The following PTPRG variants were observed in gnomAD, a reference collection of about 807,000 sequenced individuals.
PTPRG encodes receptor-type tyrosine-protein phosphatase gamma.
PTPRG carries 102 observed loss-of-function variants against 165.3 expected under a neutral mutation model. That is an observed-to-expected ratio of 0.62 (90% CI 0.53 to 0.73). The LOEUF (loss-of-function observed/expected upper bound fraction) is 0.73. PTPRG is among the 30% of genes least tolerant of loss of function. The pLI is 0.00. For missense variants in PTPRG, 1,866 were observed against 1,861.4 expected, an observed-to-expected ratio of 1.00 and a Z score of -0.05; for synonymous variants, 675 against 669.5, an observed-to-expected ratio of 1.01 and a Z score of -0.13.
chr3:61,592,478 C>G (rs1700595261), intron 1 of PTPRG, among the ~76,000 whole-genome samples: 1 of 152,072 alleles, frequency 6.6e-6, no homozygotes, highest in African/African-American at 2.4e-5. Flanking sequence ...CTGAATTTTC[C>G]CTTTCTCTGA....
At chr3:62,250,888 C>T (rs143109766) in intron 15 of PTPRG, among the ~76,000 whole-genome samples, 22 of 152,158 alleles carry the variant, frequency 1.4e-4, no homozygotes, top group South Asian at 6.2e-4. Flanking sequence ...ATAAAAGGCC[C>T]GTTATGTACA....
At chr3:61,811,324 C>G (rs758752451) in intron 2 of PTPRG, among the ~76,000 whole-genome samples, 51 of 152,234 alleles carry the variant, frequency 3.4e-4, no homozygotes, top group Non-Finnish European at 5.3e-4. Context: ...GCTTAACTCT[C>G]AGTCACCCAG....
At chr3:61,892,188 C>G (rs564069637) in intron 2 of PTPRG, among the ~76,000 whole-genome samples, 1 of 152,248 alleles carries the variant, frequency 6.6e-6, no homozygotes, top group South Asian at 2.1e-4. Context: ...TCAACTAGTT[C>G]AAGTAGTAGA....
chr3:61,690,871 C>G (rs879854544), intron 1 of PTPRG, among the ~76,000 whole-genome samples: 6 of 151,934 alleles, frequency 3.9e-5, no homozygotes, highest in Non-Finnish European at 7.4e-5. Flanking sequence ...AATTTTAGAT[C>G]TCAGAGCTGT....
intron 2 of PTPRG, among the ~76,000 whole-genome samples, chr3:61,809,405 C>G (rs1023629019): frequency 6.6e-6 from 1 of 151,862 alleles, no homozygotes. Flanking sequence ...GAGCTGAGCC[C>G]AGAAGAATAA....
intron 1 of PTPRG, among the ~76,000 whole-genome samples, chr3:61,694,811 G>C (rs113979529): frequency 2.0e-5 from 3 of 152,188 alleles, no homozygotes; most frequent in Non-Finnish European, 4.4e-5. Flanking sequence ...GAATTTGTAC[G>C]GTGTTCTGTT....
chr3:62,275,815 A>G, intron 23 of PTPRG, 58 bp from the exon 24 acceptor site: 1 of 1,324,532 alleles, frequency 7.5e-7, no homozygotes. Flanking sequence ...CCAAAGCATC[A>G]AGCAAATGCT....
intron 1 of PTPRG, among the ~76,000 whole-genome samples, chr3:61,652,097 C>T (rs1462870028): frequency 6.6e-6 from 1 of 152,140 alleles, no homozygotes; most frequent in Non-Finnish European, 1.5e-5. Context: ...GTCACGAGAT[C>T]AGGAGTTCAA....
At chr3:61,932,141 C>G (rs1408702054) in intron 2 of PTPRG, among the ~76,000 whole-genome samples, 4 of 152,314 alleles carry the variant, frequency 2.6e-5, no homozygotes, top group African/African-American at 7.2e-5. Flanking sequence ...ATATCTACCA[C>G]TAAGTGTGTG....
At chr3:61,860,544 G>C (rs1299514845) in intron 2 of PTPRG, among the ~76,000 whole-genome samples, 1 of 139,858 alleles carries the variant, frequency 7.2e-6, no homozygotes, top group Admixed American at 7.9e-5. Context: ...AGGTTCAAAT[G>C]ATTATACTGC....
At position 62,271,773 on chromosome 3, in the gene PTPRG, C is replaced by T. The variant is rs996961071; in HGVS notation, c.3182+218C>T. Among the ~76,000 whole-genome samples the T allele has an allele frequency of 6.6e-6, 1 of 152,024 alleles. No individual in the cohort carries two copies. Among genetic ancestry groups the T allele is most frequent in the Non-Finnish European group, 1.5e-5 (1 of 68,018 alleles). ...TGATTTTTAAAAAACTAGATCAATC[C>T]CTAGTTTTTATAAAATCTTCTTATT... On this transcript the variant is annotated intron_variant, in intron 21 of 29. Transcript: ENST00000474889. This position sits in a 1 kb window ranked among gnomAD's most constrained non-coding sequence, Gnocchi z 4.1.
chr3:62,163,419 C>G (rs1704845550), intron 7 of PTPRG, among the ~76,000 whole-genome samples: 1 of 151,906 alleles, frequency 6.6e-6, no homozygotes, highest in South Asian at 2.1e-4. Flanking sequence ...GTAATAGGCA[C>G]TCAGCAAATA....
At chr3:62,177,745 C>T (rs1265269299) in intron 8 of PTPRG, among the ~76,000 whole-genome samples, 1 of 152,162 alleles carries the variant, frequency 6.6e-6, no homozygotes. Context: ...ACCTAACTGA[C>T]CCCTCCTCAG....
chr3:61,834,419 G>C (rs1401226206), intron 2 of PTPRG, among the ~76,000 whole-genome samples: 2 of 152,150 alleles, frequency 1.3e-5, no homozygotes, highest in Non-Finnish European at 2.9e-5. Context: ...CTTCTAGCCA[G>C]GTACAGTGGC....
At chr3:61,807,984 C>T (rs2035466377) in intron 2 of PTPRG, among the ~76,000 whole-genome samples, 1 of 152,160 alleles carries the variant, frequency 6.6e-6, no homozygotes, top group Non-Finnish European at 1.5e-5. Context: ...TCTGTTAACG[C>T]CTGTTTATCA....
At chr3:61,681,054 TAAAAA>T (rs61198100) in intron 1 of PTPRG, among the ~76,000 whole-genome samples, 5 of 66,104 alleles carry the variant, frequency 7.6e-5, no homozygotes, top group Admixed American at 3.9e-4. Flanking sequence ...CTTTATGTTC[TAAAAA>T]AAAAAAAAAA....
At chr3:61,705,302 G>A (rs1575600102) in intron 1 of PTPRG, among the ~76,000 whole-genome samples, 2 of 151,604 alleles carry the variant, frequency 1.3e-5, no homozygotes, top group African/African-American at 2.4e-5. Flanking sequence ...CAGAATACCA[G>A]TATCTGATGG....
intron 6 of PTPRG, among the ~76,000 whole-genome samples, chr3:62,140,285 C>T (rs1703873853): frequency 6.6e-6 from 1 of 152,058 alleles, no homozygotes; most frequent in African/African-American, 2.4e-5. Context: ...AAGTATATCC[C>T]CAAGAAAAAT....
chr3:61,591,173 C>T (rs930394712), intron 1 of PTPRG, among the ~76,000 whole-genome samples: 3 of 152,220 alleles, frequency 2.0e-5, no homozygotes, highest in Non-Finnish European at 4.4e-5. Context: ...TTATATGTAC[C>T]TCCTTGTGCA....
Sources: gnomAD v4.1 joint callset for allele counts (sites outside exome capture counted in the v4.1 genomes callset) on GRCh38, gnomAD v4.1.1 for gene constraint, Gnocchi (gnomAD v3.1) non-coding constraint, MANE v1.5 for transcripts, NCBI Gene and HGNC (gene_info 2026-07-23, HGNC 2026-07-21) for gene names.